Variants in CATSPERG observed in about 807,000 individuals in gnomAD.
CATSPERG encodes cation channel sperm-associated auxiliary subunit gamma.
Under a neutral mutation model 145.0 loss-of-function variants are expected in CATSPERG, and 115 were observed. The ratio of observed to expected loss-of-function variants is 0.79; its 90% confidence interval spans 0.68 to 0.93. The LOEUF (loss-of-function observed/expected upper bound fraction) is 0.93, where lower values mean the gene tolerates loss of function less well. Ranked by LOEUF, CATSPERG falls within the 40% of genes least tolerant of loss-of-function variation. The pLI, the probability that CATSPERG is intolerant of heterozygous loss-of-function variation, is 0.00. For synonymous variants in CATSPERG, 588 were observed against 589.0 expected (o/e 1.00, Z 0.02); for missense variants, 1,296 against 1,490.1 (o/e 0.87, Z 2.14).
Position 38,359,588 on chromosome 19 carries a change from T to A in CATSPERG, c.1608+7T>A. On this transcript the variant is annotated splice_region_variant and intron_variant, in intron 14 of 28. Coordinates refer to ENST00000409235, the MANE Select transcript of CATSPERG (RefSeq NM_021185.5). The stretch of plus-strand genomic sequence containing the variant: ...TGTCACAGAGACGGAGGAGGTGGGC[T>A]GCCCCGCCCCTCTCCCCGTTCCCTC... 6.2e-7 allele frequency: 1 copy of A among 1,608,090 alleles called. No individual in the cohort carries two copies. Among genetic ancestry groups the A allele is most frequent in the Non-Finnish European group, 8.5e-7 (1 of 1,176,658 alleles).
At chr19:38,342,804 C>G (rs946137322) in intron 3 of CATSPERG, among the ~76,000 whole-genome samples, 3 of 152,000 alleles carry the variant, frequency 2.0e-5, no homozygotes, top group South Asian at 2.1e-4. Flanking sequence ...GTTCTGCATG[C>G]CTGAAACATC....
intron 1 of CATSPERG, 47 bp downstream of exon 1, chr19:38,335,922 A>G: frequency 6.1e-6 from 1 of 163,358 alleles, no homozygotes; most frequent in Non-Finnish European, 1.2e-5. Flanking sequence ...GGGCGGGGGG[A>G]TGCCGGGGAC....
intron 3 of CATSPERG, among the ~76,000 whole-genome samples, chr19:38,340,769 G>T (rs1244813433): frequency 6.6e-6 from 1 of 152,090 alleles, no homozygotes; most frequent in African/African-American, 2.4e-5. Flanking sequence ...ACAGGCTCAA[G>T]CCATCACACC....
At chr19:38,362,342 G>A in intron 18 of CATSPERG, 34 bp from the exon 19 acceptor site, 1 of 1,613,858 alleles carries the variant, frequency 6.2e-7, no homozygotes, top group Non-Finnish European at 8.5e-7. Flanking sequence ...CCCACCCCCG[G>A]CGCTGACTCT....
At chr19:38,356,610 A>G (rs1437121869) in intron 10 of CATSPERG, 67 bp downstream of exon 10, 1 of 1,588,466 alleles carries the variant, frequency 6.3e-7, no homozygotes. Context: ...AGAGCAGGGG[A>G]GGGTGGCAGG....
At position 38,361,646 on chromosome 19, in the gene CATSPERG, A is replaced by G; in HGVS notation, c.1881-2A>G. 6.2e-7 allele frequency: 1 copy of G among 1,606,732 alleles called. No homozygotes were observed. The highest frequency in any genetic ancestry group is 8.5e-7 in the Non-Finnish European group (1 of 1,179,236). On this transcript the variant is annotated splice_acceptor_variant, in intron 16 of 28. Coordinates refer to ENST00000409235, the MANE Select transcript of CATSPERG (RefSeq NM_021185.5). LOFTEE classifies it high-confidence loss of function. ...CAGCCTTTCCCCCTTGCCACTGCCC[A>G]GGGGCTACTTGATGCTCTCCTTCAT...
At chr19:38,369,929 T>A (rs1244153654) in intron 26 of CATSPERG, 43 bp from the exon 27 acceptor site, 3 of 1,588,280 alleles carry the variant, frequency 1.9e-6, no homozygotes, top group South Asian at 2.2e-5. Flanking sequence ...TGGCACAGAC[T>A]AGGCATGGTT....
At chr19:38,347,072 G>A (rs972334193) in intron 7 of CATSPERG, among the ~76,000 whole-genome samples, 3 of 152,122 alleles carry the variant, frequency 2.0e-5, no homozygotes, top group African/African-American at 4.8e-5. Flanking sequence ...TTAGCCAGGG[G>A]TGGTGGCATG....
At chr19:38,370,119 G>A (rs181024486) in intron 27 of CATSPERG, 40 bp from the exon 28 acceptor site, 13 of 1,613,388 alleles carry the variant, frequency 8.1e-6, no homozygotes, top group Middle Eastern at 1.6e-4. Flanking sequence ...GGAATGCCTG[G>A]CTTCTCCTCT....
Position 38,346,446 on chromosome 19 carries a change from G to T in CATSPERG, c.670-4G>T, listed in dbSNP as rs369750909. On this transcript the variant is annotated splice_region_variant and splice_polypyrimidine_tract_variant and intron_variant, in intron 6 of 28. Coordinates refer to ENST00000409235, the MANE Select transcript of CATSPERG (RefSeq NM_021185.5). ...TTGGCGTCCCTCCTGTCCCTCCTTG[G>T]CAGCTCTTCAACCTGATGCCCCAGT... is the stretch of plus-strand genomic sequence containing the variant. 4.2e-5 allele frequency: 64 copies of T among 1,533,200 alleles called. No individual in the cohort carries two copies. Among genetic ancestry groups the T allele is most frequent in the Non-Finnish European group, 5.6e-5 (63 of 1,132,788 alleles). The allele number at this position is 1,533,200 out of a possible 1,614,324, so 95.0% of individuals were successfully genotyped here.
intron 22 of CATSPERG, chr19:38,365,406 G>T: frequency 2.9e-6 from 1 of 342,932 alleles, no homozygotes. Flanking sequence ...AAGTAGCTGG[G>T]ATTATAGGCG....
Position 38,337,336 on chromosome 19 carries a change from G to T in CATSPERG, c.102G>T (p.Arg34Ser). 1 of 1,551,538 alleles carries T rather than the reference G, an allele frequency of 6.4e-7. No individual in the cohort carries two copies. Among genetic ancestry groups the T allele is most frequent in the South Asian group, 1.2e-5 (1 of 84,056 alleles). Residue 34 changes from arginine to serine, a missense_variant, in exon 2 of 29, where the codon AGG (arginine) becomes AGT (serine). By Grantham distance (110) the Arg-to-Ser change is moderately radical. Transcript: ENST00000409235. ...TGGCAGTGCTCCTGGCGTCGTGGAGGCTGTGGGCGATCAAGGATTTCCAGG... is the reference window on the plus strand; with the variant it reads ...TGGCAGTGCTCCTGGCGTCGTGGAGTCTGTGGGCGATCAAGGATTTCCAGG... ...ALLAVLLASW[R>S]LWAIKDFQEC...
Position 38,364,951 on chromosome 19 carries a change from G to A in CATSPERG, c.2536G>A (p.Glu846Lys), listed in dbSNP as rs1970422073. The part of the protein sequence containing the change: ...DQGISGHHLM[E>K]TSMTVNVVGS... ...AGGCATTAGTGGACATCACCTTATG[G>A]AGACTTCCATGACGGTCAATGTGAG... The change falls in exon 21 of 29, where the codon GAG (glutamate) becomes AAG (lysine). Residue 846 changes from glutamate to lysine, a missense_variant. By Grantham distance (56) the Glu-to-Lys change is moderately conservative. Transcript: ENST00000409235. 1 of 1,613,990 alleles carries A rather than the reference G, an allele frequency of 6.2e-7. No individual in the cohort carries two copies. The highest frequency in any genetic ancestry group is 8.5e-7 in the Non-Finnish European group (1 of 1,179,942).
chr19:38,357,102 T>C (rs1970257423), intron 11 of CATSPERG, among the ~76,000 whole-genome samples: 4 of 152,120 alleles, frequency 2.6e-5, no homozygotes, highest in Admixed American at 2.0e-4. Context: ...CCTATGTAGA[T>C]TTGTGCAGGC....
At chr19:38,359,687 T>G (rs904400325) in intron 14 of CATSPERG, 106 bp downstream of exon 14, 12 of 1,460,688 alleles carry the variant, frequency 8.2e-6, no homozygotes, top group African/African-American at 1.4e-5. Flanking sequence ...GGGGGCACCC[T>G]CGGGGACCCT....
intron 7 of CATSPERG, among the ~76,000 whole-genome samples, chr19:38,349,954 C>T (rs752899541): frequency 3.9e-5 from 6 of 152,118 alleles, no homozygotes; most frequent in South Asian, 2.1e-4. Flanking sequence ...TGTGAGCCAC[C>T]GCACCCGGCC....
At chr19:38,344,643 C>A (rs918095494) in intron 6 of CATSPERG, among the ~76,000 whole-genome samples, 2 of 151,676 alleles carry the variant, frequency 1.3e-5, no homozygotes, top group Admixed American at 6.6e-5. Flanking sequence ...TGTCTGACTC[C>A]TATACACACC....
rs755811756 is a variant in CATSPERG, at chr19:38,352,429, A to T, written c.994A>T (p.Ser332Cys). The T allele has an allele frequency of 3.2e-5, 49 of 1,551,370 alleles. No homozygotes were observed. The highest frequency in any genetic ancestry group is 3.5e-5 in the Non-Finnish European group (40 of 1,147,032). ...YTTLYERNRG[S>C]GSWIRVLASE... ...CACACTCTATGAGAGAAACCGCGGC[A>T]GTGGTGAGTGTGCTGTGGCTGGACC... The change falls in exon 8 of 29, where the codon AGT becomes TGT. Residue 332 changes from serine to cysteine, a missense_variant. Coordinates refer to ENST00000409235, the MANE Select transcript of CATSPERG (RefSeq NM_021185.5).
In CATSPERG at chr19:38,358,562, G is replaced by A; in HGVS notation, c.1496+1G>A. 6.2e-7 allele frequency: 1 copy of A among 1,614,106 alleles called. No individual in the cohort carries two copies. The highest frequency in any genetic ancestry group is 8.5e-7 in the Non-Finnish European group (1 of 1,180,004). On this transcript the variant is annotated splice_donor_variant, in intron 13 of 28. Coordinates refer to ENST00000409235, the MANE Select transcript of CATSPERG (RefSeq NM_021185.5). LOFTEE classifies it high-confidence loss of function. Reference sequence around the variant, plus strand: ...TCTGGGGCAACTTCCTCCTGCAGAGGTGGGCCTCTACCACCCCTGGGTGGG... The same window carrying A: ...TCTGGGGCAACTTCCTCCTGCAGAGATGGGCCTCTACCACCCCTGGGTGGG...
Sources: allele counts gnomAD v4.1 joint callset (sites outside exome capture counted in the v4.1 genomes callset), GRCh38; gene constraint gnomAD v4.1.1; transcripts MANE v1.5; gene names NCBI Gene and HGNC (gene_info 2026-07-23, HGNC 2026-07-21).